PDGFRL: variants seen among roughly 807,000 people sequenced by gnomAD.
PDGFRL encodes the protein platelet-derived growth factor receptor-like protein.
Under a neutral mutation model 37.2 loss-of-function variants are expected in PDGFRL, and 46 were observed. The observed-to-expected ratio is 1.24, with a 90% CI of 0.98 to 1.58. PDGFRL has a LOEUF of 1.58. Ranked by LOEUF, PDGFRL falls within the 40% of genes most tolerant of loss-of-function variation. PDGFRL has a pLI of 0.00. For missense variants in PDGFRL, 692 were observed against 467.6 expected, an observed-to-expected ratio of 1.48 and a Z score of -4.43; for synonymous variants, 251 against 184.3, an observed-to-expected ratio of 1.36 and a Z score of -2.93.
At chr8:17,590,103 T>C (rs901401683) in intron 2 of PDGFRL, among the ~76,000 whole-genome samples, 1 of 151,080 alleles carries the variant, frequency 6.6e-6, no homozygotes, top group African/African-American at 2.4e-5. Flanking sequence ...TGGTGGCAGG[T>C]GCCTGTAGTC....
intron 2 of PDGFRL, among the ~76,000 whole-genome samples, chr8:17,600,825 T>C (rs2517174): frequency 0.82 from 115,682 of 140,480 alleles, 45,488 homozygotes; most frequent in East Asian, 0.98. Context: ...CAAAAAAACC[T>C]CTAAAAATTA....
intron 2 of PDGFRL, among the ~76,000 whole-genome samples, chr8:17,600,802 T>TA (rs764849189): frequency 0.15 from 19,532 of 128,010 alleles, 1,748 homozygotes; most frequent in South Asian, 0.31. Flanking sequence ...ACCCCATCTC[T>TA]AAAAAAAAAA....
At chr8:17,577,755 A>G (rs895389501) in intron 1 of PDGFRL, among the ~76,000 whole-genome samples, 1 of 151,528 alleles carries the variant, frequency 6.6e-6, no homozygotes, top group African/African-American at 2.4e-5. Flanking sequence ...GCAGAGTTCC[A>G]GGTGACCTCC....
chr8:17,609,532 G>A (rs1010885415), intron 2 of PDGFRL, among the ~76,000 whole-genome samples: 28 of 148,624 alleles, frequency 1.9e-4, no homozygotes, highest in African/African-American at 7.0e-4. Flanking sequence ...TAGCTACTCA[G>A]GAGGCTAAAG....
chr8:17,639,121 T>C (rs1390836728), intron 5 of PDGFRL, among the ~76,000 whole-genome samples: 1 of 152,056 alleles, frequency 6.6e-6, no homozygotes, highest in Non-Finnish European at 1.5e-5. Context: ...GAATATCTTT[T>C]CCCAGCCCTT....
intron 4 of PDGFRL, among the ~76,000 whole-genome samples, chr8:17,633,864 C>T (rs941774189): frequency 2.0e-5 from 3 of 152,154 alleles, no homozygotes; most frequent in African/African-American, 7.2e-5. Context: ...AGTCCTGGTG[C>T]CTACCCCATT....
At chr8:17,635,691 G>C (rs11782025) in intron 5 of PDGFRL, among the ~76,000 whole-genome samples, 100,096 of 152,074 alleles carry the variant, frequency 0.66, 36,773 homozygotes, top group Non-Finnish European at 0.84. Context: ...GTTCTTTAAG[G>C]AATCTCCACA....
rs1804796672 is a variant in PDGFRL, at chr8:17,628,889, T to C, written c.799+109T>C. 11 of 710,852 alleles carry C rather than the reference T, an allele frequency of 1.5e-5. No homozygotes were observed. The Admixed American group carries it at 1.9e-4, about 12-fold the overall frequency. 44.0% of individuals were successfully genotyped at this position (710,852 alleles called of 1,614,324 possible). A position where few individuals can be genotyped will look rare whatever the true frequency, so the allele number is the denominator to read the frequency against. ...AAGGAAGCTCCATGAGTGCCTTTTG[T>C]TTCATTGTTGTTGGGTTGTTGTTGT... On this transcript the variant is annotated intron_variant, in intron 4 of 5. Coordinates refer to ENST00000251630, the MANE Select transcript of PDGFRL (RefSeq NM_001372073.1).
At chr8:17,610,258 C>T (rs1448922470) in intron 2 of PDGFRL, among the ~76,000 whole-genome samples, 2 of 152,140 alleles carry the variant, frequency 1.3e-5, no homozygotes, top group African/African-American at 4.8e-5. Context: ...ATGTTACCCA[C>T]AGAGAAGTGC....
In PDGFRL at chr8:17,627,985, C is replaced by CTT. The variant is rs1236164534; in HGVS notation, c.506-500_506-499dup. ...TACTGATACCTTTTCTGTTTTCTTT[C>CTT]TTTCTTTTTTTTTTTTTTTTTTTTT... On this transcript the variant is annotated intron_variant, in intron 3 of 5. Transcript: ENST00000251630. 3.3e-3 allele frequency among the ~76,000 whole-genome samples: 411 copies of CTT among 123,908 alleles called. 23 individuals carry two copies. The highest frequency in any genetic ancestry group is 9.2e-3 in the African/African-American group (270 of 29,448). The allele number at this position is 123,908 out of a possible 152,430, so 81.3% of individuals were successfully genotyped here.
chr8:17,594,621 C>G (rs983072154), intron 2 of PDGFRL, among the ~76,000 whole-genome samples: 7 of 151,840 alleles, frequency 4.6e-5, no homozygotes, highest in African/African-American at 1.2e-4. Flanking sequence ...GTGGTGCGAT[C>G]TCAGCTCACG....
At chr8:17,632,888 G>C (rs531149072) in intron 4 of PDGFRL, among the ~76,000 whole-genome samples, 14 of 152,126 alleles carry the variant, frequency 9.2e-5, no homozygotes, top group Non-Finnish European at 1.6e-4. Context: ...CTGAAGCTCG[G>C]CCTTGAGATT....
intron 2 of PDGFRL, among the ~76,000 whole-genome samples, chr8:17,616,257 C>T (rs894647402): frequency 1.3e-5 from 2 of 152,146 alleles, no homozygotes; most frequent in African/African-American, 2.4e-5. Flanking sequence ...TGCAGTGCCG[C>T]AATCTCAGCT....
At chr8:17,637,207 C>G (rs1011453750) in intron 5 of PDGFRL, among the ~76,000 whole-genome samples, 1 of 152,168 alleles carries the variant, frequency 6.6e-6, no homozygotes, top group Non-Finnish European at 1.5e-5. Flanking sequence ...ATGCTTTCAA[C>G]TTTTTCCCAT....
intron 2 of PDGFRL, among the ~76,000 whole-genome samples, chr8:17,613,320 A>C (rs1804459730): frequency 6.6e-6 from 1 of 152,210 alleles, no homozygotes; most frequent in Non-Finnish European, 1.5e-5. Flanking sequence ...AGTCTAGAGA[A>C]TATCTGAAGG....
chr8:17,612,221 C>G (rs188386300), intron 2 of PDGFRL, among the ~76,000 whole-genome samples: 4 of 152,274 alleles, frequency 2.6e-5, no homozygotes, highest in African/African-American at 9.6e-5. Flanking sequence ...AAACTAACCT[C>G]CAGGTATTTA....
chr8:17,637,825 AT>A (rs1429000124), intron 5 of PDGFRL, among the ~76,000 whole-genome samples: 1 of 152,156 alleles, frequency 6.6e-6, no homozygotes, highest in Non-Finnish European at 1.5e-5. Context: ...GAATTTATCC[AT>A]CTCTTCTAGG....
At chr8:17,617,026 G>C (rs1233479119) in intron 2 of PDGFRL, among the ~76,000 whole-genome samples, 1 of 152,216 alleles carries the variant, frequency 6.6e-6, no homozygotes. Flanking sequence ...CCCCAGGAGA[G>C]AGCAGCCTGG....
chr8:17,592,744 A>C (rs1803966858), intron 2 of PDGFRL, among the ~76,000 whole-genome samples: 1 of 152,160 alleles, frequency 6.6e-6, no homozygotes, highest in Admixed American at 6.5e-5. Flanking sequence ...TTCCCACAGC[A>C]CTTGCTGTTT....
Sources: gnomAD v4.1 joint callset for allele counts (sites outside exome capture counted in the v4.1 genomes callset) on GRCh38, gnomAD v4.1.1 for gene constraint, MANE v1.5 for transcripts, NCBI Gene and HGNC (gene_info 2026-07-23, HGNC 2026-07-21) for gene names.